The following RGS7 variants were observed in gnomAD, a reference collection of about 807,000 sequenced individuals.
RGS7 encodes regulator of G protein signaling 7.
A neutral mutation model predicts 81.1 loss-of-function variants in RGS7; 27 were observed. The ratio of observed to expected loss-of-function variants is 0.33; its 90% CI spans 0.25 to 0.46. The LOEUF is 0.46. RGS7 is among the 20% of genes least tolerant of loss of function. The pLI, the probability that RGS7 is intolerant of heterozygous loss-of-function variation, is 1.00. For synonymous variants in RGS7, 208 were observed against 207.7 expected (o/e 1.00, Z -0.01); for missense variants, 396 against 607.4 (o/e 0.65, Z 3.66).
At chr1:241,106,290 GAATT>G (rs1472162064) in intron 2 of RGS7, among the ~76,000 whole-genome samples, 4 of 152,058 alleles carry the variant, frequency 2.6e-5, no homozygotes, top group Admixed American at 6.5e-5. Flanking sequence ...TCTTAACTCA[GAATT>G]AATTACTCTT....
chr1:240,859,152 T>C (rs1277370993), intron 9 of RGS7, among the ~76,000 whole-genome samples: 3 of 152,094 alleles, frequency 2.0e-5, no homozygotes, highest in African/African-American at 7.2e-5. Context: ...TGATTCAATT[T>C]CTTCATTTAA....
intron 2 of RGS7, among the ~76,000 whole-genome samples, chr1:241,308,962 C>T (rs1361130888): frequency 2.0e-5 from 3 of 152,106 alleles, no homozygotes; most frequent in Admixed American, 1.3e-4. Context: ...CGATCAGCTA[C>T]GTGAGAGTGG....
chr1:241,292,239 ACT>A, intron 2 of RGS7, among the ~76,000 whole-genome samples: 1 of 152,182 alleles, frequency 6.6e-6, no homozygotes, highest in East Asian at 1.9e-4. Context: ...GTAAAAATAC[ACT>A]CTAAATAATG....
intron 2 of RGS7, among the ~76,000 whole-genome samples, chr1:241,170,572 C>T (rs1270268580): frequency 6.6e-6 from 1 of 152,032 alleles, no homozygotes. Flanking sequence ...TCTGAGGCAC[C>T]GTGGTGGGGT....
chr1:240,868,595 T>G lies in RGS7; in HGVS notation c.601A>C (p.Arg201=), dbSNP rs1663911289. 6.2e-7 allele frequency: 1 copy of G among 1,614,000 alleles called. No homozygotes were observed. Among genetic ancestry groups the G allele is most frequent in the Non-Finnish European group, 8.5e-7 (1 of 1,179,966 alleles). The part of the protein sequence containing the change: ...SQERAFWDVH[R]PVPGCVNTTE... Reference sequence around the variant, plus strand: ...GTGCGACGCTTGCTTACCACGGGCCTGTGCACGTCCCAGAACGCTCTCTCT... The same window carrying G: ...GTGCGACGCTTGCTTACCACGGGCCGGTGCACGTCCCAGAACGCTCTCTCT... Residue 201 remains arginine, a synonymous_variant, in exon 9 of 19, where the codon AGG becomes CGG. Coordinates refer to ENST00000440928, the MANE Select transcript of RGS7 (RefSeq NM_001364886.1). This position sits in a 1 kb window ranked among gnomAD's most constrained non-coding sequence, Gnocchi z 5.1.
chr1:240,855,592 C>T (rs1338673377), intron 9 of RGS7, among the ~76,000 whole-genome samples: 1 of 151,590 alleles, frequency 6.6e-6, no homozygotes, highest in African/African-American at 2.4e-5. Flanking sequence ...CTTTAAAATT[C>T]TCATTTTGAG....
chr1:241,005,944 T>G (rs1457484658), intron 3 of RGS7, among the ~76,000 whole-genome samples: 2 of 152,234 alleles, frequency 1.3e-5, no homozygotes, highest in African/African-American at 2.4e-5. Flanking sequence ...TCTACTACAA[T>G]TTGTATATAG....
At chr1:240,911,244 T>C (rs1000995455) in intron 6 of RGS7, among the ~76,000 whole-genome samples, 1 of 152,126 alleles carries the variant, frequency 6.6e-6, no homozygotes. Context: ...TTTCCCCTTA[T>C]CTATTCATCC....
chr1:241,026,575 T>C (rs917505610), intron 3 of RGS7, among the ~76,000 whole-genome samples: 2 of 150,826 alleles, frequency 1.3e-5, no homozygotes, highest in Admixed American at 1.3e-4. Flanking sequence ...TGTGACAGAG[T>C]GAGACTCTGT....
intron 3 of RGS7, among the ~76,000 whole-genome samples, chr1:241,082,451 G>T (rs529185655): frequency 2.0e-5 from 3 of 152,112 alleles, no homozygotes; most frequent in Non-Finnish European, 4.4e-5. Context: ...CTGTTCCTTC[G>T]AACATTCTGG....
At chr1:240,890,426 C>T (rs1668107751) in intron 6 of RGS7, among the ~76,000 whole-genome samples, 1 of 152,190 alleles carries the variant, frequency 6.6e-6, no homozygotes, top group African/African-American at 2.4e-5. Context: ...GCTGGGATTA[C>T]AGGGGTGAGC....
intron 2 of RGS7, among the ~76,000 whole-genome samples, chr1:241,355,263 C>T (rs1049099930): frequency 5.3e-5 from 8 of 152,216 alleles, no homozygotes; most frequent in African/African-American, 1.9e-4. Context: ...TACACAGACA[C>T]AGTCTCTCTT....
chr1:241,180,071 T>C (rs979476537), intron 2 of RGS7, among the ~76,000 whole-genome samples: 1 of 152,042 alleles, frequency 6.6e-6, no homozygotes, highest in Non-Finnish European at 1.5e-5. Flanking sequence ...TTCAGTGGAA[T>C]CTCTGATAAA....
At chr1:240,806,042 T>G (rs1394353447) in intron 15 of RGS7, 98 bp downstream of exon 15, 4 of 1,063,636 alleles carry the variant, frequency 3.8e-6, no homozygotes, top group African/African-American at 3.1e-5. Context: ...TTGAAAATGT[T>G]AGAAATAGCT....
chr1:241,029,563 G>A (rs1288332878), intron 3 of RGS7, among the ~76,000 whole-genome samples: 1 of 152,162 alleles, frequency 6.6e-6, no homozygotes, highest in Non-Finnish European at 1.5e-5. Flanking sequence ...ATATTTTTAA[G>A]CCTTCAAGAT....
chr1:240,965,936 A>G (rs1457231754), intron 4 of RGS7, among the ~76,000 whole-genome samples: 1 of 152,186 alleles, frequency 6.6e-6, no homozygotes, highest in Non-Finnish European at 1.5e-5. Context: ...AATGCAGCCA[A>G]TGTTCACGAA....
intron 2 of RGS7, among the ~76,000 whole-genome samples, chr1:241,117,056 T>C (rs1180564828): frequency 6.6e-6 from 1 of 152,074 alleles, no homozygotes; most frequent in Non-Finnish European, 1.5e-5. Context: ...AGGTAGTATA[T>C]GGGGGCACAT....
chr1:241,153,928 C>T (rs1373457059), intron 2 of RGS7, among the ~76,000 whole-genome samples: 1 of 152,172 alleles, frequency 6.6e-6, no homozygotes, highest in East Asian at 1.9e-4. Flanking sequence ...AAATCAAGGA[C>T]TAAATGCTTA....
chr1:241,071,522 G>A (rs1373183799), intron 3 of RGS7, among the ~76,000 whole-genome samples: 2 of 147,676 alleles, frequency 1.4e-5, no homozygotes, highest in East Asian at 4.0e-4. Context: ...GTATTTACTA[G>A]CAGTGATGTT....
Sources: allele counts gnomAD v4.1 joint callset (sites outside exome capture counted in the v4.1 genomes callset), GRCh38; gene constraint gnomAD v4.1.1; non-coding constraint Gnocchi (gnomAD v3.1); transcripts MANE v1.5; gene names NCBI Gene and HGNC (gene_info 2026-07-23, HGNC 2026-07-21).